Variants in EML6 observed in about 807,000 individuals in gnomAD.
EML6 encodes EMAP like 6, also known as echinoderm microtubule-associated protein-like 6.
In EML6, 154 loss-of-function variants were observed where a neutral mutation model predicts 240.1. The observed-to-expected ratio is 0.64, with a 90% CI of 0.56 to 0.73. EML6 has a LOEUF of 0.73. Among genes scored for constraint, EML6 ranks in the 30% least tolerant of loss-of-function variants. The pLI is 0.00. For missense variants in EML6, 2,964 were observed against 2,474.6 expected, an observed-to-expected ratio of 1.20 and a Z score of -4.20; for synonymous variants, 1,148 against 899.0, an observed-to-expected ratio of 1.28 and a Z score of -4.95.
chr2:54,933,408 A>G (rs964529962), intron 28 of EML6, among the ~76,000 whole-genome samples: 23 of 152,110 alleles, frequency 1.5e-4, no homozygotes, highest in African/African-American at 5.3e-4. Context: ...TTCTTGTCAT[A>G]TATATTCTCT....
intron 10 of EML6, among the ~76,000 whole-genome samples, chr2:54,852,741 T>C (rs1356013166): frequency 2.0e-5 from 3 of 152,260 alleles, no homozygotes; most frequent in Non-Finnish European, 2.9e-5. Flanking sequence ...ACCAGTATTA[T>C]ATAAGGGCAT....
chr2:54,809,626 C>G, intron 2 of EML6, among the ~76,000 whole-genome samples: 1 of 152,128 alleles, frequency 6.6e-6, no homozygotes, highest in South Asian at 2.1e-4. Flanking sequence ...AAAATTCAAA[C>G]ATAATACTTC....
intron 26 of EML6, 109 bp downstream of exon 26, chr2:54,917,044 C>A: frequency 1.3e-6 from 1 of 791,670 alleles, no homozygotes; most frequent in Non-Finnish European, 2.0e-6. Context: ...TTCACATTAT[C>A]GGAGTATTAT....
intron 14 of EML6, chr2:54,867,243 C>G (rs939566346): frequency 6.0e-6 from 1 of 166,128 alleles, no homozygotes; most frequent in African/African-American, 2.4e-5. Flanking sequence ...GCTGGCTCCA[C>G]CATAGGACAG....
chr2:54,871,177 C>T (rs922125749), intron 15 of EML6, among the ~76,000 whole-genome samples: 9 of 152,058 alleles, frequency 5.9e-5, no homozygotes, highest in South Asian at 2.1e-4. Flanking sequence ...AATCTTGTGT[C>T]GAGCTGGGAA....
At chr2:54,938,932 G>A (rs1573183214) in intron 28 of EML6, among the ~76,000 whole-genome samples, 2 of 152,272 alleles carry the variant, frequency 1.3e-5, no homozygotes, top group South Asian at 4.1e-4. Context: ...ACAGGCCCTT[G>A]CTGTTGACCT....
chr2:54,950,567 G>A lies in EML6; in HGVS notation c.4084-83G>A, dbSNP rs1236104539. 5 of 1,469,672 alleles carry A rather than the reference G, an allele frequency of 3.4e-6. No homozygotes were observed. The Admixed American group carries it at 1.0e-4, about 31-fold the overall frequency. The allele number at this position is 1,469,672 out of a possible 1,614,324, so 91.0% of individuals were successfully genotyped here. On this transcript the variant is annotated intron_variant, in intron 29 of 41. Transcript: ENST00000356458. ...GCCATACCGTTCCTGGGACACACGA[G>A]GCTGCTCACGCAATGTGGGTGTGTT...
Position 54,903,190 on chromosome 2 carries a change from T to G in EML6, c.3271T>G (p.Ser1091Ala). Reference sequence around the variant, plus strand: ...AGAAATGATCTCTGATATTAAGTTTTCAAAAGGTGAAGATGACAGCAGATA... The same window carrying G: ...AGAAATGATCTCTGATATTAAGTTTGCAAAAGGTGAAGATGACAGCAGATA... ...RKEMISDIKF[S>A]KDTGKYLAVA... The change falls in exon 23 of 42, where the codon TCA (serine) becomes GCA (alanine). Residue 1091 changes from serine to alanine, a missense_variant. Transcript: ENST00000356458. 6.4e-7 allele frequency: 1 copy of G among 1,551,872 alleles called. No individual in the cohort carries two copies. Among genetic ancestry groups the G allele is most frequent in the Non-Finnish European group, 8.7e-7 (1 of 1,146,946 alleles).
intron 2 of EML6, among the ~76,000 whole-genome samples, chr2:54,802,682 T>C (rs1325778593): frequency 6.6e-6 from 1 of 151,388 alleles, no homozygotes; most frequent in Non-Finnish European, 1.5e-5. Flanking sequence ...CTACTACTAC[T>C]ACCAATAATA....
intron 2 of EML6, among the ~76,000 whole-genome samples, chr2:54,812,910 C>T (rs1667919940): frequency 6.6e-6 from 1 of 151,966 alleles, no homozygotes; most frequent in Admixed American, 6.6e-5. Flanking sequence ...TTTTGAATAT[C>T]AATAATTAAA....
chr2:54,894,424 A>G (rs565123460), intron 19 of EML6, among the ~76,000 whole-genome samples: 1 of 152,334 alleles, frequency 6.6e-6, no homozygotes, highest in Admixed American at 6.5e-5. Flanking sequence ...GGATCGTTTC[A>G]TTATATAAAG....
intron 7 of EML6, among the ~76,000 whole-genome samples, chr2:54,841,502 C>T (rs1046494348): frequency 6.6e-6 from 1 of 151,494 alleles, no homozygotes; most frequent in Non-Finnish European, 1.5e-5. Context: ...TGATTAAGAT[C>T]AAGATTATAG....
intron 24 of EML6, among the ~76,000 whole-genome samples, chr2:54,906,298 A>G (rs7355428): frequency 0.18 from 27,381 of 152,138 alleles, 2,918 homozygotes; most frequent in African/African-American, 0.29. Flanking sequence ...CTGCAAATGT[A>G]TAGGCCCTGT....
chr2:54,968,919 G>C (rs575141898), intron 41 of EML6, among the ~76,000 whole-genome samples, 151 bp downstream of exon 41: 1 of 152,218 alleles, frequency 6.6e-6, no homozygotes, highest in Admixed American at 6.5e-5. Flanking sequence ...CCTCATGAAG[G>C]CAAGTACTTT....
At chr2:54,915,672 G>A (rs1486673591) in intron 25 of EML6, among the ~76,000 whole-genome samples, 3 of 152,016 alleles carry the variant, frequency 2.0e-5, no homozygotes, top group Non-Finnish European at 2.9e-5. Flanking sequence ...ACCTTACCAC[G>A]TTGTGACTAA....
chr2:54,951,487 G>A (rs1675973336), intron 30 of EML6, among the ~76,000 whole-genome samples: 1 of 151,918 alleles, frequency 6.6e-6, no homozygotes, highest in Non-Finnish European at 1.5e-5. Context: ...GGAGGTTGCA[G>A]TGAGCCAAGA....
At chr2:54,749,596 G>A (rs971965832) in intron 2 of EML6, among the ~76,000 whole-genome samples, 2 of 152,010 alleles carry the variant, frequency 1.3e-5, no homozygotes, top group African/African-American at 4.8e-5. Flanking sequence ...CTATTATTAT[G>A]TACTGGGCAC....
At chr2:54,817,805 T>TAA (rs545717672) in intron 4 of EML6, among the ~76,000 whole-genome samples, 240 of 145,862 alleles carry the variant, frequency 1.6e-3, no homozygotes, top group African/African-American at 4.8e-3. Context: ...AAGGAACTCT[T>TAA]AAAAAAAAAA....
At chr2:54,935,409 A>G (rs1271688236) in intron 28 of EML6, among the ~76,000 whole-genome samples, 1 of 152,258 alleles carries the variant, frequency 6.6e-6, no homozygotes, top group Non-Finnish European at 1.5e-5. Flanking sequence ...ACTGTTGAAC[A>G]GTAATTACTA....
Sources: allele counts gnomAD v4.1 joint callset (sites outside exome capture counted in the v4.1 genomes callset), GRCh38; gene constraint gnomAD v4.1.1; transcripts MANE v1.5; gene names NCBI Gene and HGNC (gene_info 2026-07-23, HGNC 2026-07-21).